Variants in NKAIN1 observed in about 807,000 individuals in gnomAD.
The protein encoded by NKAIN1 is sodium/potassium transporting ATPase interacting 1.
NKAIN1 carries 13 observed loss-of-function variants against 31.6 expected under a neutral mutation model. That is an observed-to-expected ratio of 0.41 (90% CI 0.27 to 0.65). NKAIN1 has a LOEUF of 0.65. Ranked by LOEUF, NKAIN1 falls within the 30% of genes least tolerant of loss-of-function variation. NKAIN1 has a pLI of 0.30. For synonymous variants in NKAIN1, 104 were observed against 109.0 expected (o/e 0.95, Z 0.28); for missense variants, 193 against 262.2 (o/e 0.74, Z 1.82).
Position 31,214,756 on chromosome 1 carries a change from C to T in NKAIN1, c.54+24738G>A, listed in dbSNP as rs138449431. ...GGAGGGAGAATCAGGCAGAGATGAG[C>T]GCCTGTGCAAAGGTCCTGTGGAGGG... On this transcript the variant is annotated intron_variant, in intron 1 of 6. Coordinates refer to ENST00000373736, the MANE Select transcript of NKAIN1 (RefSeq NM_024522.3). 5.7e-3 allele frequency among the ~76,000 whole-genome samples: 872 copies of T among 152,232 alleles called. 6 individuals carry two copies. The highest frequency in any genetic ancestry group is 0.02 in the African/African-American group (825 of 41,544).
Position 31,181,022 on chromosome 1 carries a change from C to CA in NKAIN1, c.*680dup, listed in dbSNP as rs1031421383. ...CACTGTGTTCAAGGCCCACTTCCAC[C>CA]AAAAATCTAGCTGTGTGGCCTCAAG... On this transcript the variant is annotated 3_prime_UTR_variant, in exon 7 of 7. Transcript: ENST00000373736. The CA allele has an allele frequency of 6.6e-6, 1 of 152,034 alleles. No homozygotes were observed. Among genetic ancestry groups the CA allele is most frequent in the Non-Finnish European group, 1.5e-5 (1 of 68,012 alleles). 9.4% of individuals were successfully genotyped at this position (152,034 alleles called of 1,614,324 possible). A position where few individuals can be genotyped will look rare whatever the true frequency, so the allele number is the denominator to read the frequency against.
At chr1:31,217,659 G>A (rs1282171089) in intron 1 of NKAIN1, among the ~76,000 whole-genome samples, 1 of 152,174 alleles carries the variant, frequency 6.6e-6, no homozygotes, top group Non-Finnish European at 1.5e-5. Flanking sequence ...AGGTATTTTT[G>A]TCTGGAATTA....
intron 1 of NKAIN1, among the ~76,000 whole-genome samples, chr1:31,209,057 C>A (rs1645446602): frequency 6.6e-6 from 1 of 152,174 alleles, no homozygotes; most frequent in Admixed American, 6.5e-5. Flanking sequence ...GAAGACCATC[C>A]CACTGGGCCA....
At chr1:31,223,938 A>T (rs1049372266) in intron 1 of NKAIN1, among the ~76,000 whole-genome samples, 3 of 152,264 alleles carry the variant, frequency 2.0e-5, no homozygotes, top group Non-Finnish European at 4.4e-5. Flanking sequence ...TGCCTGTTCC[A>T]GTCCCTGGCA....
At chr1:31,225,676 G>C (rs918497775) in intron 1 of NKAIN1, among the ~76,000 whole-genome samples, 1 of 151,976 alleles carries the variant, frequency 6.6e-6, no homozygotes, top group African/African-American at 2.4e-5. Context: ...TGAGGGTGGA[G>C]GTGATGTGTG....
Position 31,225,325 on chromosome 1 carries a change from CTTTTTTTTTTTT to C in NKAIN1, c.54+14157_54+14168del, listed in dbSNP as rs139451212. ...ACAGGCATAAGCCACCATGCCCGGCCTTTTTTTTTTTTTTTTTTTTTTTTTTAAAGACAGAGT... is the reference window on the plus strand; with the variant it reads ...ACAGGCATAAGCCACCATGCCCGGCCTTTTTTTTTTTTTTAAAGACAGAGT... On this transcript the variant is annotated intron_variant, in intron 1 of 6. Coordinates refer to ENST00000373736, the MANE Select transcript of NKAIN1 (RefSeq NM_024522.3). Among the ~76,000 whole-genome samples, 84 of 52,164 alleles carry C rather than the reference CTTTTTTTTTTTT, an allele frequency of 1.6e-3. 1 individual carries two copies. Among genetic ancestry groups the C allele is most frequent in the African/African-American group, 5.7e-3 (78 of 13,802 alleles). The allele number at this position is 52,164 out of a possible 152,430, so 34.2% of individuals were successfully genotyped here.
Position 31,201,794 on chromosome 1 carries a change from G to GT in NKAIN1, c.55-13608dup, listed in dbSNP as rs577468473. ...CTCTTTTCCACCACTTCTTACCAAGGTGCTCTTTGAGATTTGGCCGCCCAG... is the reference window on the plus strand; with the variant it reads ...CTCTTTTCCACCACTTCTTACCAAGGTTGCTCTTTGAGATTTGGCCGCCCAG... On this transcript the variant is annotated intron_variant, in intron 1 of 6. Coordinates refer to ENST00000373736, the MANE Select transcript of NKAIN1 (RefSeq NM_024522.3). Among the ~76,000 whole-genome samples, 798 of 152,308 alleles carry GT rather than the reference G, an allele frequency of 5.2e-3. 7 individuals carry two copies. The highest frequency in any genetic ancestry group is 0.018 in the African/African-American group (744 of 41,574).
intron 1 of NKAIN1, among the ~76,000 whole-genome samples, chr1:31,199,239 CTCA>C (rs1373793343): frequency 6.6e-6 from 1 of 152,228 alleles, no homozygotes; most frequent in East Asian, 1.9e-4. Context: ...AGCCCCAGTT[CTCA>C]TCGACTCACT....
intron 5 of NKAIN1, 38 bp downstream of exon 5, chr1:31,182,492 G>A (rs765706878): frequency 8.7e-6 from 14 of 1,611,254 alleles, no homozygotes; most frequent in South Asian, 2.2e-5. Flanking sequence ...GAAGGCGCAG[G>A]GCCAGATTCC....
chr1:31,187,984 G>A, intron 2 of NKAIN1, 66 bp downstream of exon 2: 1 of 1,497,716 alleles, frequency 6.7e-7, no homozygotes, highest in Non-Finnish European at 9.0e-7. Flanking sequence ...TTGAGGAGCA[G>A]GGAGGGGTGG....
intron 1 of NKAIN1, among the ~76,000 whole-genome samples, chr1:31,200,652 G>T (rs1253386169): frequency 2.6e-5 from 4 of 151,436 alleles, no homozygotes; most frequent in Non-Finnish European, 5.9e-5. Flanking sequence ...TAGAGACAAG[G>T]GTCTCACTAT....
At chr1:31,235,043 C>T (rs981745542) in intron 1 of NKAIN1, among the ~76,000 whole-genome samples, 2 of 152,194 alleles carry the variant, frequency 1.3e-5, no homozygotes, top group African/African-American at 4.8e-5. Flanking sequence ...GATCATTTAA[C>T]ATGCACCAGG....
At chr1:31,217,317 A>G (rs1251863139) in intron 1 of NKAIN1, among the ~76,000 whole-genome samples, 1 of 152,076 alleles carries the variant, frequency 6.6e-6, no homozygotes, top group Non-Finnish European at 1.5e-5. Context: ...AGTGTGTGCC[A>G]ACATGCCCAG....
chr1:31,203,565 A>T (rs1470740816), intron 1 of NKAIN1, among the ~76,000 whole-genome samples: 1 of 150,608 alleles, frequency 6.6e-6, no homozygotes, highest in Non-Finnish European at 1.5e-5. Flanking sequence ...ATATTTCTGC[A>T]AGGTTTTTAC....
At position 31,211,222 on chromosome 1, in the gene NKAIN1, C is replaced by T. The variant is rs530465121; in HGVS notation, c.55-23035G>A. Among the ~76,000 whole-genome samples, 27 of 152,252 alleles carry T rather than the reference C, an allele frequency of 1.8e-4. No homozygotes were observed. In the East Asian group the frequency reaches 5.0e-3, roughly 28 times the overall value. On this transcript the variant is annotated intron_variant, in intron 1 of 6. Coordinates refer to ENST00000373736, the MANE Select transcript of NKAIN1 (RefSeq NM_024522.3). The stretch of plus-strand genomic sequence containing the variant: ...GGAAAAGAAGAAGTAAAACTATTTG[C>T]TAATTGCAGATTACATGATCTTGTA...
At chr1:31,197,406 T>C (rs1369416701) in intron 1 of NKAIN1, among the ~76,000 whole-genome samples, 1 of 151,954 alleles carries the variant, frequency 6.6e-6, no homozygotes, top group African/African-American at 2.4e-5. Flanking sequence ...CTACCACGTC[T>C]GGCCTAATTT....
intron 1 of NKAIN1, among the ~76,000 whole-genome samples, chr1:31,195,664 G>A (rs1645320870): frequency 6.6e-6 from 1 of 152,238 alleles, no homozygotes; most frequent in East Asian, 1.9e-4. Flanking sequence ...GCTCATGCCT[G>A]TAATCCCAGC....
At chr1:31,195,111 A>G (rs969788069) in intron 1 of NKAIN1, among the ~76,000 whole-genome samples, 1 of 119,920 alleles carries the variant, frequency 8.3e-6, no homozygotes, top group Non-Finnish European at 1.7e-5. Context: ...TCTTCTCTAT[A>G]TATTCCTTCC....
intron 1 of NKAIN1, among the ~76,000 whole-genome samples, chr1:31,237,534 CTG>C (rs919580610): frequency 6.6e-6 from 1 of 150,440 alleles, no homozygotes; most frequent in Non-Finnish European, 1.5e-5. Context: ...CAGTTTCACT[CTG>C]TCGTCCAGGC....
Sources: allele counts gnomAD v4.1 joint callset (sites outside exome capture counted in the v4.1 genomes callset), GRCh38; gene constraint gnomAD v4.1.1; transcripts MANE v1.5; gene names NCBI Gene and HGNC (gene_info 2026-07-23, HGNC 2026-07-21).